Variants in ANXA8 observed in about 807,000 individuals in gnomAD.
The protein encoded by ANXA8 is annexin A8.
ANXA8 carries 9 observed loss-of-function variants against 26.8 expected under a neutral mutation model. That is an observed-to-expected ratio of 0.34 (90% CI 0.20 to 0.59). The LOEUF is 0.59. ANXA8 is among the 20% of genes least tolerant of loss of function. The pLI is 0.84. For missense variants in ANXA8, 83 were observed against 238.5 expected, an observed-to-expected ratio of 0.35 and a Z score of 4.29; for synonymous variants, 39 against 94.8, an observed-to-expected ratio of 0.41 and a Z score of 3.42.
chr10:47,967,202 C>T, the ANXA8 span, among the ~76,000 whole-genome samples: 1 of 149,978 alleles, frequency 6.7e-6, no homozygotes, highest in African/African-American at 2.4e-5. Flanking sequence ...CAGTCCTGGC[C>T]TCACTCTCCA....
At chr10:47,938,530 TA>T in the ANXA8 span, among the ~76,000 whole-genome samples, 1 of 108,866 alleles carries the variant, frequency 9.2e-6, no homozygotes, top group East Asian at 3.9e-4. Context: ...TAAAAAGCCA[TA>T]AATGTCCAAA....
the ANXA8 span, among the ~76,000 whole-genome samples, chr10:47,743,005 A>T: frequency 7.0e-6 from 1 of 143,790 alleles, no homozygotes; most frequent in Middle Eastern, 3.6e-3. Context: ...AAAAAAAAAA[A>T]AAAAAAATAC....
chr10:47,497,717 C>T, the ANXA8 span, among the ~76,000 whole-genome samples: 1 of 148,746 alleles, frequency 6.7e-6, no homozygotes. Context: ...GCAGGCGGAT[C>T]ACCTGAAGTC....
chr10:47,939,270 TC>T, the ANXA8 span, among the ~76,000 whole-genome samples: 1 of 120,664 alleles, frequency 8.3e-6, no homozygotes, highest in Non-Finnish European at 1.6e-5. Context: ...ACCATTGCAC[TC>T]CAGCCTGGGC....
the ANXA8 span, among the ~76,000 whole-genome samples, chr10:47,976,590 C>G: frequency 4.0e-3 from 580 of 145,332 alleles, 2 homozygotes; most frequent in African/African-American, 0.014. Flanking sequence ...ATTCTCACAA[C>G]CATGACAGCT....
chr10:47,506,418 C>T, the ANXA8 span, among the ~76,000 whole-genome samples: 1 of 138,664 alleles, frequency 7.2e-6, no homozygotes, highest in African/African-American at 2.7e-5. Flanking sequence ...GCAACCTCCA[C>T]CTCCCAGGCT....
the ANXA8 span, among the ~76,000 whole-genome samples, chr10:47,686,827 C>A: frequency 1.3e-4 from 20 of 151,682 alleles, no homozygotes; most frequent in African/African-American, 4.8e-4. Context: ...TCATTGGCTT[C>A]CATAGTGAAA....
At chr10:47,651,098 C>G in the ANXA8 span, among the ~76,000 whole-genome samples, 3,279 of 151,142 alleles carry the variant, frequency 0.022, 71 homozygotes, top group African/African-American at 0.075. Context: ...AGTCGAGAAG[C>G]TGAGGTGGGA....
chr10:47,944,078 A>G, the ANXA8 span, among the ~76,000 whole-genome samples: 9 of 147,130 alleles, frequency 6.1e-5, no homozygotes. Flanking sequence ...TGGCACGTGG[A>G]CAACATAAGT....
At chr10:47,749,672 AG>A in the ANXA8 span, among the ~76,000 whole-genome samples, 1 of 140,658 alleles carries the variant, frequency 7.1e-6, no homozygotes, top group Non-Finnish European at 1.6e-5. Flanking sequence ...AACCAATGGT[AG>A]GGGGGGAAAC....
the ANXA8 span, among the ~76,000 whole-genome samples, chr10:47,695,463 A>C: frequency 6.6e-6 from 1 of 151,812 alleles, no homozygotes; most frequent in Non-Finnish European, 1.5e-5. Flanking sequence ...GCAGCATAGC[A>C]TCAACAAATG....
chr10:47,501,954 G>C, the ANXA8 span: 7 of 1,168,530 alleles, frequency 6.0e-6, no homozygotes, highest in Admixed American at 5.0e-5. Flanking sequence ...CTTAGTTTAC[G>C]AAAAGTACTG....
At chr10:47,520,818 C>T in the ANXA8 span, among the ~76,000 whole-genome samples, 1 of 57,518 alleles carries the variant, frequency 1.7e-5, no homozygotes, top group Non-Finnish European at 2.8e-5. Context: ...ATGAGTAACA[C>T]AATGACACCC....
At chr10:47,558,937 C>A in the ANXA8 span, among the ~76,000 whole-genome samples, 1 of 151,358 alleles carries the variant, frequency 6.6e-6, no homozygotes, top group East Asian at 1.9e-4. Context: ...TTCTTGTATG[C>A]ATATGTATTT....
the ANXA8 span, chr10:47,503,296 C>T: frequency 6.3e-7 from 1 of 1,587,188 alleles, no homozygotes; most frequent in East Asian, 2.3e-5. Context: ...GGCTCTGCCG[C>T]TCCCGATGGT....
the ANXA8 span, chr10:47,567,990 C>T: frequency 1.4e-6 from 1 of 717,762 alleles, no homozygotes; most frequent in South Asian, 1.5e-5. Context: ...GTGTTAAGAT[C>T]TATCCCAAGA....
At chr10:47,670,686 C>T in the ANXA8 span, among the ~76,000 whole-genome samples, 4 of 151,806 alleles carry the variant, frequency 2.6e-5, no homozygotes, top group Non-Finnish European at 5.9e-5. Context: ...TGTTTAAGTC[C>T]TTTGCCCACT....
the ANXA8 span, among the ~76,000 whole-genome samples, chr10:47,675,963 A>G: frequency 2.0e-5 from 3 of 151,544 alleles, no homozygotes; most frequent in Non-Finnish European, 2.9e-5. Context: ...AAAATATACT[A>G]GCAGAGACCA....
At chr10:47,974,488 G>A in the ANXA8 span, among the ~76,000 whole-genome samples, 1 of 148,724 alleles carries the variant, frequency 6.7e-6, no homozygotes, top group Admixed American at 6.8e-5. Context: ...TGCAAACTTA[G>A]ACTGTTAATT....
Sources: allele counts gnomAD v4.1 joint callset (sites outside exome capture counted in the v4.1 genomes callset), GRCh38; gene constraint gnomAD v4.1.1; transcripts MANE v1.5; gene names NCBI Gene and HGNC (gene_info 2026-07-23, HGNC 2026-07-21).